TPD52L1: variants seen among roughly 807,000 people sequenced by gnomAD.
TPD52L1 encodes the protein tumor protein D53.
In TPD52L1, 18 loss-of-function variants were observed where a neutral mutation model predicts 28.7. The observed-to-expected ratio is 0.63, with a 90% confidence interval of 0.43 to 0.93. TPD52L1 has a LOEUF of 0.93. Ranked by LOEUF, TPD52L1 falls within the 40% of genes least tolerant of loss-of-function variation. The probability of loss-of-function intolerance (pLI) is 0.00; values close to 1 mark genes in which losing one functional copy is unlikely to be tolerated. For missense variants in TPD52L1, 203 were observed against 254.8 expected (o/e 0.80, Z 1.39); for synonymous variants, 75 against 88.8 (o/e 0.84, Z 0.88).
chr6:125,204,526 C>G (rs1288877313), intron 1 of TPD52L1, among the ~76,000 whole-genome samples: 1 of 152,004 alleles, frequency 6.6e-6, no homozygotes, highest in Non-Finnish European at 1.5e-5. Context: ...GTCGCCCAGG[C>G]TGGAGTGCAG....
chr6:125,172,140 CT>C (rs1249589788), intron 1 of TPD52L1, among the ~76,000 whole-genome samples: 242 of 63,256 alleles, frequency 3.8e-3, no homozygotes, highest in African/African-American at 0.021. Flanking sequence ...TTCTTTCTTT[CT>C]TTCTTTCTTT....
intron 1 of TPD52L1, among the ~76,000 whole-genome samples, chr6:125,201,970 A>G (rs182023195): frequency 7.2e-5 from 11 of 152,338 alleles, no homozygotes; most frequent in African/African-American, 2.6e-4. Context: ...AGAAATGTGA[A>G]TGTTACTGAA....
intron 1 of TPD52L1, among the ~76,000 whole-genome samples, chr6:125,178,923 T>G (rs765884166): frequency 1.3e-5 from 2 of 152,238 alleles, no homozygotes; most frequent in Admixed American, 6.5e-5. Flanking sequence ...TGGTGAATAC[T>G]CTGAACTTAT....
At chr6:125,211,296 TATCTATCTATC>T (rs1240486611) in intron 1 of TPD52L1, among the ~76,000 whole-genome samples, 1 of 150,094 alleles carries the variant, frequency 6.7e-6, no homozygotes, top group African/African-American at 2.5e-5. Flanking sequence ...TCTATCTATC[TATCTATCTATC>T]GTGTAACACA....
chr6:125,230,357 T>A (rs1795878603), intron 3 of TPD52L1, among the ~76,000 whole-genome samples: 1 of 152,088 alleles, frequency 6.6e-6, no homozygotes, highest in Admixed American at 6.5e-5. Flanking sequence ...GATGAGGAAA[T>A]CACAGAGGCT....
intron 2 of TPD52L1, among the ~76,000 whole-genome samples, chr6:125,222,165 G>A (rs3778456): frequency 0.6 from 90,576 of 152,146 alleles, 29,231 homozygotes; most frequent in African/African-American, 0.85. Context: ...CTGATAGCAC[G>A]TATGCATTCG....
chr6:125,217,644 T>G (rs555601903), intron 1 of TPD52L1, among the ~76,000 whole-genome samples: 3 of 152,146 alleles, frequency 2.0e-5, no homozygotes, highest in Non-Finnish European at 4.4e-5. Context: ...TCCTAACAGG[T>G]AACAGACCGG....
chr6:125,164,482 G>A (rs1790749170), intron 1 of TPD52L1, among the ~76,000 whole-genome samples: 1 of 152,096 alleles, frequency 6.6e-6, no homozygotes, highest in Non-Finnish European at 1.5e-5. Flanking sequence ...TCCACTTGGT[G>A]TTCATCCATA....
chr6:125,225,322 ATTTG>A (rs1239317153), intron 2 of TPD52L1, among the ~76,000 whole-genome samples: 12 of 152,116 alleles, frequency 7.9e-5, no homozygotes, highest in Non-Finnish European at 1.8e-4. Context: ...GTGTCCATGT[ATTTG>A]TTTGAGTACC....
At chr6:125,230,350 G>A (rs531162549) in intron 3 of TPD52L1, among the ~76,000 whole-genome samples, 2 of 152,252 alleles carry the variant, frequency 1.3e-5, no homozygotes, top group East Asian at 3.9e-4. Context: ...AGGGGCTGAT[G>A]AGGAAATCAC....
chr6:125,253,896 C>T (rs1350842877), intron 5 of TPD52L1, 141 bp downstream of exon 5: 1 of 868,874 alleles, frequency 1.2e-6, no homozygotes, highest in Admixed American at 1.7e-5. Flanking sequence ...GCTGACAATT[C>T]TGTGGAAGAA....
intron 1 of TPD52L1, among the ~76,000 whole-genome samples, chr6:125,178,092 T>C (rs1464700899): frequency 1.3e-5 from 2 of 152,202 alleles, no homozygotes; most frequent in East Asian, 1.9e-4. Flanking sequence ...AGTCTCTCAA[T>C]AGACCATATT....
intron 1 of TPD52L1, among the ~76,000 whole-genome samples, chr6:125,208,121 G>T (rs545627248): frequency 2.6e-5 from 4 of 152,242 alleles, no homozygotes; most frequent in African/African-American, 9.6e-5. Flanking sequence ...GGATACATTT[G>T]GGCATGACTC....
chr6:125,203,381 GT>G (rs528232977), intron 1 of TPD52L1, among the ~76,000 whole-genome samples: 2 of 151,918 alleles, frequency 1.3e-5, no homozygotes, highest in East Asian at 3.9e-4. Context: ...TGTCGGGGGT[GT>G]TTTTTTCTTG....
intron 1 of TPD52L1, among the ~76,000 whole-genome samples, chr6:125,218,608 C>T (rs985756349): frequency 6.6e-5 from 10 of 152,236 alleles, no homozygotes; most frequent in Admixed American, 3.9e-4. Flanking sequence ...CTTGTTCGTC[C>T]GTTTTTCATG....
At chr6:125,238,163 G>A (rs958672207) in intron 3 of TPD52L1, among the ~76,000 whole-genome samples, 1 of 152,176 alleles carries the variant, frequency 6.6e-6, no homozygotes, top group African/African-American at 2.4e-5. Flanking sequence ...TAATCCAAGT[G>A]TTCAAGACAC....
chr6:125,178,906 G>A (rs1582869942), intron 1 of TPD52L1, among the ~76,000 whole-genome samples: 1 of 152,134 alleles, frequency 6.6e-6, no homozygotes, highest in East Asian at 1.9e-4. Flanking sequence ...ATTCCCACTG[G>A]TGACTCTGGT....
chr6:125,176,216 T>C (rs1441949898), intron 1 of TPD52L1, among the ~76,000 whole-genome samples: 1 of 152,240 alleles, frequency 6.6e-6, no homozygotes, highest in African/African-American at 2.4e-5. Context: ...ATAATGCACA[T>C]GTGGCCTGCT....
chr6:125,188,002 T>G (rs1050111614), intron 1 of TPD52L1, among the ~76,000 whole-genome samples: 12 of 152,060 alleles, frequency 7.9e-5, no homozygotes, highest in African/African-American at 2.7e-4. Context: ...AGCATTTACA[T>G]TTAAGAATAA....
Sources: gnomAD v4.1 joint callset for allele counts (sites outside exome capture counted in the v4.1 genomes callset) on GRCh38, gnomAD v4.1.1 for gene constraint, MANE v1.5 for transcripts, NCBI Gene and HGNC (gene_info 2026-07-23, HGNC 2026-07-21) for gene names.